The following RASAL2 variants were observed in gnomAD, a reference collection of about 807,000 sequenced individuals.
The protein encoded by RASAL2 is ras GTPase-activating protein nGAP.
A neutral mutation model predicts 128.9 loss-of-function variants in RASAL2; 58 were observed. The observed-to-expected ratio is 0.45, with a 90% CI of 0.36 to 0.56. RASAL2 has a LOEUF of 0.56. RASAL2 is among the 20% of genes least tolerant of loss of function. The pLI, the probability that RASAL2 is intolerant of heterozygous loss-of-function variation, is 0.00. For missense variants in RASAL2, 1,360 were observed against 1,601.6 expected (o/e 0.85, Z 2.57); for synonymous variants, 561 against 580.8 (o/e 0.97, Z 0.49).
chr1:178,344,124 C>G (rs1670024859), intron 3 of RASAL2, among the ~76,000 whole-genome samples: 1 of 152,014 alleles, frequency 6.6e-6, no homozygotes, highest in African/African-American at 2.4e-5. Context: ...CTCCTTGATA[C>G]TGTTTTAAAA....
intron 8 of RASAL2, among the ~76,000 whole-genome samples, chr1:178,444,648 A>G (rs1170215904): frequency 6.6e-6 from 1 of 152,096 alleles, no homozygotes; most frequent in African/African-American, 2.4e-5. Flanking sequence ...GTTTCTTTGC[A>G]CCTTTATTTC....
At chr1:178,160,819 A>T (rs886869384) in intron 1 of RASAL2, among the ~76,000 whole-genome samples, 3 of 152,162 alleles carry the variant, frequency 2.0e-5, no homozygotes, top group African/African-American at 7.2e-5. Flanking sequence ...GAGAAGGGGG[A>T]TGGAGTAGTA....
At chr1:178,216,273 T>C (rs1663417124) in intron 1 of RASAL2, among the ~76,000 whole-genome samples, 1 of 152,194 alleles carries the variant, frequency 6.6e-6, no homozygotes, top group African/African-American at 2.4e-5. Flanking sequence ...TGTGAGATTT[T>C]AAAAAAGGCT....
intron 3 of RASAL2, among the ~76,000 whole-genome samples, chr1:178,326,705 C>T (rs574613395): frequency 1.2e-4 from 18 of 152,104 alleles, no homozygotes; most frequent in Middle Eastern, 3.4e-3. Flanking sequence ...CCACCATGCC[C>T]GGCTAATTTT....
chr1:178,209,272 A>G (rs1182829601), intron 1 of RASAL2, among the ~76,000 whole-genome samples: 2 of 152,110 alleles, frequency 1.3e-5, no homozygotes, highest in Non-Finnish European at 2.9e-5. Flanking sequence ...ACTTCCCATA[A>G]ATGCTTTTAT....
chr1:178,248,436 T>TAG (rs1308148558), intron 1 of RASAL2, among the ~76,000 whole-genome samples: 1 of 152,144 alleles, frequency 6.6e-6, no homozygotes, highest in Non-Finnish European at 1.5e-5. Context: ...AGCCCATGTG[T>TAG]GTCTTTGCAT....
At chr1:178,267,051 G>A (rs970332130) in intron 1 of RASAL2, among the ~76,000 whole-genome samples, 3 of 152,040 alleles carry the variant, frequency 2.0e-5, no homozygotes, top group African/African-American at 2.4e-5. Context: ...AAGCTGCTTC[G>A]AAAGAGACAA....
chr1:178,366,323 T>TA lies in RASAL2; in HGVS notation c.458-23771dup, dbSNP rs370552770. Among the ~76,000 whole-genome samples the TA allele has an allele frequency of 8.9e-4, 135 of 151,372 alleles. 1 individual carries two copies. Among genetic ancestry groups the TA allele is most frequent in the African/African-American group, 3.2e-3 (130 of 41,208 alleles). On this transcript the variant is annotated intron_variant, in intron 3 of 17. Coordinates refer to ENST00000367649, the MANE Select transcript of RASAL2 (RefSeq NM_170692.4). ...GCTTATACTATTTATATAAAGTTAC[T>TA]AAAAAATCTACACCAACTTTAGTTA...
chr1:178,442,169 A>C (rs977616080), intron 7 of RASAL2, among the ~76,000 whole-genome samples: 2 of 152,130 alleles, frequency 1.3e-5, no homozygotes, highest in Non-Finnish European at 2.9e-5. Context: ...ATTACAATTC[A>C]ACATAAAATT....
Position 178,279,902 on chromosome 1 carries a change from A to G in RASAL2, c.203-3662A>G, listed in dbSNP as rs560155198. Among the ~76,000 whole-genome samples the G allele has an allele frequency of 7.6e-4, 116 of 152,290 alleles. 1 individual carries two copies. Among genetic ancestry groups the G allele is most frequent in the Admixed American group, 2.0e-3 (30 of 15,292 alleles). On this transcript the variant is annotated intron_variant, in intron 1 of 17. Transcript: ENST00000367649. ...ATGAATGTGACTTTTTTGATATTAT[A>G]TAATGAAAGGTGTCAATATTTGGAA... is the stretch of plus-strand genomic sequence containing the variant.
chr1:178,399,298 G>A (rs1673460854), intron 4 of RASAL2, among the ~76,000 whole-genome samples: 1 of 152,052 alleles, frequency 6.6e-6, no homozygotes, highest in Admixed American at 6.5e-5. Flanking sequence ...GCTTGGTAAG[G>A]GTAGTCCTTG....
At chr1:178,245,419 G>A (rs917070541) in intron 1 of RASAL2, among the ~76,000 whole-genome samples, 3 of 151,968 alleles carry the variant, frequency 2.0e-5, no homozygotes, top group African/African-American at 7.2e-5. Flanking sequence ...CTTTTTGATG[G>A]GGTTGTTTTT....
chr1:178,203,161 A>G (rs929534534), intron 1 of RASAL2, among the ~76,000 whole-genome samples: 3 of 152,208 alleles, frequency 2.0e-5, no homozygotes, highest in African/African-American at 4.8e-5. Context: ...GCTTCTACCA[A>G]GACTACCATA....
At chr1:178,355,286 A>G (rs1235756885) in intron 3 of RASAL2, among the ~76,000 whole-genome samples, 1 of 152,230 alleles carries the variant, frequency 6.6e-6, no homozygotes, top group Non-Finnish European at 1.5e-5. Flanking sequence ...TGTTAGAAAT[A>G]GACCAATGGA....
intron 4 of RASAL2, among the ~76,000 whole-genome samples, chr1:178,396,600 A>C (rs1673246404): frequency 1.3e-5 from 2 of 152,304 alleles, no homozygotes; most frequent in Non-Finnish European, 1.5e-5. Flanking sequence ...ATACTCAGCA[A>C]GGTATGAGAA....
At chr1:178,305,406 G>C (rs989284284) in intron 3 of RASAL2, among the ~76,000 whole-genome samples, 3 of 152,140 alleles carry the variant, frequency 2.0e-5, no homozygotes, top group Admixed American at 2.0e-4. Context: ...TTACAGTACA[G>C]AGGTATAGTA....
intron 1 of RASAL2, among the ~76,000 whole-genome samples, chr1:178,165,654 G>A (rs920223784): frequency 7.2e-5 from 11 of 152,132 alleles, no homozygotes; most frequent in African/African-American, 2.7e-4. Context: ...CATGGTGATT[G>A]AGTTTTTTAT....
At chr1:178,132,237 T>G (rs951175682) in intron 1 of RASAL2, among the ~76,000 whole-genome samples, 2 of 151,802 alleles carry the variant, frequency 1.3e-5, no homozygotes, top group Non-Finnish European at 2.9e-5. Flanking sequence ...TTTTTTTTTT[T>G]GTAGAGACAG....
intron 1 of RASAL2, among the ~76,000 whole-genome samples, chr1:178,119,644 C>T (rs192881834): frequency 9.2e-5 from 14 of 152,310 alleles, no homozygotes; most frequent in Admixed American, 5.9e-4. Context: ...GTGAATAGTT[C>T]TGCAGCTGTG....
Sources: allele counts gnomAD v4.1 joint callset (sites outside exome capture counted in the v4.1 genomes callset), GRCh38; gene constraint gnomAD v4.1.1; transcripts MANE v1.5; gene names NCBI Gene and HGNC (gene_info 2026-07-23, HGNC 2026-07-21).